CLTB: variants seen among roughly 807,000 people sequenced by gnomAD.
CLTB encodes the protein clathrin, light chain (Lcb).
In CLTB, 10 loss-of-function variants were observed where a neutral mutation model predicts 30.5. The ratio of observed to expected loss-of-function variants is 0.33; its 90% CI spans 0.20 to 0.56. CLTB has a LOEUF of 0.56. Ranked by LOEUF, CLTB falls within the 20% of genes least tolerant of loss-of-function variation. The pLI is 0.91. For synonymous variants in CLTB, 102 were observed against 120.3 expected (o/e 0.85, Z 1.00); for missense variants, 261 against 308.3 (o/e 0.85, Z 1.15).
intron 2 of CLTB, among the ~76,000 whole-genome samples, 181 bp from the exon 3 acceptor site, chr5:176,398,228 A>T (rs1756648410): frequency 6.6e-6 from 1 of 152,016 alleles, no homozygotes; most frequent in Non-Finnish European, 1.5e-5. Flanking sequence ...ACACTCCGCC[A>T]CCTGTGTGAC....
chr5:176,415,451 G>C (rs1757645818), intron 1 of CLTB, among the ~76,000 whole-genome samples: 1 of 152,170 alleles, frequency 6.6e-6, no homozygotes, highest in South Asian at 2.1e-4. Flanking sequence ...AGGAGGCAGA[G>C]GTGGGAGGAT....
rs182136032 is a variant in CLTB, at chr5:176,403,375, G to C, written c.235-5328C>G. Reference sequence around the variant, plus strand: ...AAGCCTGCCCTAAATTAAGACTCCAGAGAACTTGCATTTAAAGGGCTTTCT... The same window carrying C: ...AAGCCTGCCCTAAATTAAGACTCCACAGAACTTGCATTTAAAGGGCTTTCT... On this transcript the variant is annotated intron_variant, in intron 2 of 5. Coordinates refer to ENST00000310418, the MANE Select transcript of CLTB (RefSeq NM_007097.5). Among the ~76,000 whole-genome samples, 824 of 151,580 alleles carry C rather than the reference G, an allele frequency of 5.4e-3. 5 individuals carry two copies. The highest frequency in any genetic ancestry group is 6.8e-3 in the Non-Finnish European group (461 of 67,866).
chr5:176,397,767 A>G, intron 3 of CLTB, 49 bp from the exon 4 acceptor site: 2 of 1,571,400 alleles, frequency 1.3e-6, no homozygotes, highest in Non-Finnish European at 1.8e-6. Context: ...TGGGATGCAC[A>G]GGCCCGGCCG....
chr5:176,412,101 G>A lies in CLTB; in HGVS notation c.188-1798C>T, dbSNP rs565718240. ...TGAGGCAGGAGAATGGTGTGAACCC[G>A]GGAGGCGGAGCTTGCAGTGAGCCGA... On this transcript the variant is annotated intron_variant, in intron 1 of 5. Coordinates refer to ENST00000310418, the MANE Select transcript of CLTB (RefSeq NM_007097.5). Among the ~76,000 whole-genome samples the A allele has an allele frequency of 2.6e-3, 394 of 151,632 alleles. 4 individuals are homozygous for A. Among genetic ancestry groups the A allele is most frequent in the African/African-American group, 7.9e-3 (327 of 41,286 alleles).
intron 1 of CLTB, 98 bp downstream of exon 1, chr5:176,416,079 T>C: frequency 2.7e-6 from 3 of 1,093,774 alleles, no homozygotes. Flanking sequence ...CTGCCCCGGG[T>C]GGCCTAGAGC....
intron 5 of CLTB, 74 bp downstream of exon 5, chr5:176,396,405 G>T: frequency 7.7e-7 from 1 of 1,293,626 alleles, no homozygotes; most frequent in Non-Finnish European, 1.1e-6. Context: ...TATCCCACAA[G>T]CAGGAAACTC....
chr5:176,405,238 C>T (rs1052903971), intron 2 of CLTB, among the ~76,000 whole-genome samples: 1 of 152,038 alleles, frequency 6.6e-6, no homozygotes, highest in Non-Finnish European at 1.5e-5. Context: ...ACCTGTAATC[C>T]CAGCACTTTG....
At chr5:176,414,305 T>C (rs918412926) in intron 1 of CLTB, among the ~76,000 whole-genome samples, 3 of 152,134 alleles carry the variant, frequency 2.0e-5, no homozygotes, top group Non-Finnish European at 4.4e-5. Context: ...CACGGCAGAT[T>C]CTGTATTGAG....
rs113934356 is a variant in CLTB at position 176,393,953 on chromosome 5, C to A, written c.519-1008G>T. Among the ~76,000 whole-genome samples, 1 of 152,276 alleles carries A rather than the reference C, an allele frequency of 6.6e-6. No homozygotes were observed. The highest frequency in any genetic ancestry group is 2.4e-5 in the African/African-American group (1 of 41,562). On this transcript the variant is annotated intron_variant, in intron 5 of 5. Coordinates refer to ENST00000310418, the MANE Select transcript of CLTB (RefSeq NM_007097.5). This position sits in a 1 kb window ranked among gnomAD's most constrained non-coding sequence, Gnocchi z 4.4. ...CCATCTCAAGCAGGACCAGTTCTGC[C>A]GATGCCAGACATGACTGATGGCAGG...
chr5:176,401,138 C>T (rs1470679785), intron 2 of CLTB, among the ~76,000 whole-genome samples: 1 of 152,240 alleles, frequency 6.6e-6, no homozygotes, highest in Admixed American at 6.5e-5. Context: ...CACAAGTTCA[C>T]TGCTGCTCCT....
intron 2 of CLTB, among the ~76,000 whole-genome samples, chr5:176,408,087 G>A (rs559676186): frequency 1.3e-5 from 2 of 152,218 alleles, no homozygotes; most frequent in African/African-American, 4.8e-5. Context: ...GGGGGGCCGA[G>A]GTGAGGACTA....
intron 1 of CLTB, 54 bp downstream of exon 1, chr5:176,416,122 CG>C: frequency 7.0e-7 from 1 of 1,433,030 alleles, no homozygotes; most frequent in Non-Finnish European, 9.1e-7. Context: ...GGGCCCCGGC[CG>C]GGGTCCCCCG....
At chr5:176,403,568 C>T (rs549019528) in intron 2 of CLTB, among the ~76,000 whole-genome samples, 2 of 151,940 alleles carry the variant, frequency 1.3e-5, no homozygotes, top group African/African-American at 4.8e-5. Flanking sequence ...AATTCTCCTC[C>T]TCAGCCTCCC....
chr5:176,412,970 C>G (rs1581450087), intron 1 of CLTB, among the ~76,000 whole-genome samples: 1 of 151,182 alleles, frequency 6.6e-6, no homozygotes, highest in African/African-American at 2.4e-5. Flanking sequence ...TCCGCCCTGA[C>G]CAACCCCAGT....
rs576076789 is a variant in CLTB at position 176,393,537 on chromosome 5, T to A, written c.519-592A>T. 6.6e-6 allele frequency among the ~76,000 whole-genome samples: 1 copy of A among 152,342 alleles called. No homozygotes were observed. The highest frequency in any genetic ancestry group is 2.4e-5 in the African/African-American group (1 of 41,570). On this transcript the variant is annotated intron_variant, in intron 5 of 5. Transcript: ENST00000310418. This position sits in a 1 kb window ranked among gnomAD's most constrained non-coding sequence, Gnocchi z 4.4. ...AGCAAGACTTTCAAAGCCTTTCATG[T>A]GCTGTGTGCGTCGTGACCCTCCAAG...
At chr5:176,412,200 T>C (rs1160545874) in intron 1 of CLTB, among the ~76,000 whole-genome samples, 3 of 150,394 alleles carry the variant, frequency 2.0e-5, no homozygotes, top group African/African-American at 4.9e-5. Context: ...AAAAGAATGC[T>C]TTTTTGGCTC....
At position 176,416,299 on chromosome 5, in the gene CLTB, T is replaced by TCCTCCTCCG. The variant is rs1275360566; in HGVS notation, c.56_64dup (p.Ala19_Glu21dup). 1.9e-6 allele frequency: 3 copies of TCCTCCTCCG among 1,605,110 alleles called. No individual in the cohort carries two copies. The South Asian group carries it at 3.3e-5, about 18-fold the overall frequency. On this transcript the variant is annotated inframe_insertion, in exon 1 of 6. Transcript: ENST00000310418. ...CTGGGCCAGGAAGGCGGCCGCCGGG[T>TCCTCCTCCG]CCTCCTCCGCCGCCTCCGGGGCACC...
chr5:176,409,022 G>A (rs1241768593), intron 2 of CLTB, among the ~76,000 whole-genome samples: 1 of 152,128 alleles, frequency 6.6e-6, no homozygotes, highest in Non-Finnish European at 1.5e-5. Context: ...TGTTGCCCAG[G>A]CTGGAGTGCA....
intron 1 of CLTB, among the ~76,000 whole-genome samples, chr5:176,415,278 C>G (rs1390357176): frequency 1.3e-5 from 2 of 152,202 alleles, no homozygotes; most frequent in African/African-American, 2.4e-5. Flanking sequence ...AGGGCCCTAC[C>G]GCATCTGACT....
Sources: allele counts gnomAD v4.1 joint callset (sites outside exome capture counted in the v4.1 genomes callset), GRCh38; gene constraint gnomAD v4.1.1; non-coding constraint Gnocchi (gnomAD v3.1); transcripts MANE v1.5; gene names NCBI Gene and HGNC (gene_info 2026-07-23, HGNC 2026-07-21).